The following SLC7A2 variants were observed in gnomAD, a reference collection of about 807,000 sequenced individuals.
The protein encoded by SLC7A2 is solute carrier family 7 member 2, also known as cationic amino acid transporter 2.
A neutral mutation model predicts 58.9 loss-of-function variants in SLC7A2; 48 were observed. The observed-to-expected ratio is 0.82, with a 90% CI of 0.65 to 1.04. The LOEUF (loss-of-function observed/expected upper bound fraction) is 1.04. SLC7A2 is among the 50% of genes least tolerant of loss of function. The pLI is 0.00. For synonymous variants in SLC7A2, 363 were observed against 314.5 expected, an observed-to-expected ratio of 1.15 and a Z score of -1.63; for missense variants, 1,029 against 818.8, an observed-to-expected ratio of 1.26 and a Z score of -3.13.
At chr8:17,549,141 A>G (rs892149011) in intron 5 of SLC7A2, among the ~76,000 whole-genome samples, 1 of 152,158 alleles carries the variant, frequency 6.6e-6, no homozygotes, top group African/African-American at 2.4e-5. Flanking sequence ...CAAGAACAGC[A>G]CAGGAAAGAC....
chr8:17,495,047 A>T (rs1799922737), upstream of SLC7A2, among the ~76,000 whole-genome samples: 2 of 152,236 alleles, frequency 1.3e-5, no homozygotes, highest in Non-Finnish European at 2.9e-5. Context: ...TTAATCACAA[A>T]TTAAACAGAT....
At chr8:17,538,678 TG>T in intron 2 of SLC7A2, 1 of 784,194 alleles carries the variant, frequency 1.3e-6, no homozygotes, top group Non-Finnish European at 1.9e-6. Flanking sequence ...GTAGAAACGT[TG>T]GGTTTGGACA....
chr8:17,514,226 G>T (rs1019590798), intron 2 of SLC7A2, among the ~76,000 whole-genome samples: 1 of 151,956 alleles, frequency 6.6e-6, no homozygotes, highest in Non-Finnish European at 1.5e-5. Flanking sequence ...ATAGAAAGGG[G>T]TGGTGGCAAA....
At chr8:17,547,230 G>A (rs959412525) in intron 4 of SLC7A2, among the ~76,000 whole-genome samples, 3 of 146,516 alleles carry the variant, frequency 2.0e-5, no homozygotes, top group Non-Finnish European at 3.1e-5. Context: ...GAAGGTGACC[G>A]AGTAGGGAAA....
rs1341200657 is a variant in SLC7A2, at chr8:17,570,473, T to G, written c.*5327T>G. ...TTACTTATAAAGTTGGATTCTTTTT[T>G]AGAATTTGTAATAAATAAAAACTGC... is the stretch of plus-strand genomic sequence containing the variant. On this transcript the variant is annotated 3_prime_UTR_variant, in exon 13 of 13. Transcript: ENST00000494857. The G allele has an allele frequency of 6.6e-6, 1 of 152,622 alleles. No homozygotes were observed. The highest frequency in any genetic ancestry group is 2.4e-5 in the African/African-American group (1 of 41,452). 9.5% of individuals were successfully genotyped at this position (152,622 alleles called of 1,614,324 possible). A position where few individuals can be genotyped will look rare whatever the true frequency, so the allele number is the denominator to read the frequency against.
At chr8:17,543,819 T>TAC in intron 3 of SLC7A2, 104 bp downstream of exon 3, 1 of 997,042 alleles carries the variant, frequency 1.0e-6, no homozygotes, top group Non-Finnish European at 1.4e-6. Context: ...TCACTTGATG[T>TAC]CTGTGTGTCT....
rs1349373560 is a variant in SLC7A2 at position 17,565,644 on chromosome 8, T to C, written c.*498T>C. ...AGTTTAGGGGATGCCAAAAATGCAGTTACTCATCATGGTGTCTGTCACTGG... is the reference window on the plus strand; with the variant it reads ...AGTTTAGGGGATGCCAAAAATGCAGCTACTCATCATGGTGTCTGTCACTGG... On this transcript the variant is annotated 3_prime_UTR_variant, in exon 13 of 13. Coordinates refer to ENST00000494857, the MANE Select transcript of SLC7A2 (RefSeq NM_001370338.1). The C allele has an allele frequency of 6.5e-6, 1 of 152,820 alleles. No individual in the cohort carries two copies. Among genetic ancestry groups the C allele is most frequent in the African/African-American group, 2.4e-5 (1 of 41,466 alleles). 9.5% of individuals were successfully genotyped at this position (152,820 alleles called of 1,614,324 possible).
chr8:17,494,937 G>A (rs952640732), upstream of SLC7A2, among the ~76,000 whole-genome samples: 1 of 152,172 alleles, frequency 6.6e-6, no homozygotes. Context: ...GAAGTGCGCC[G>A]GCGGGCAGAT....
intron 8 of SLC7A2, chr8:17,555,027 A>C (rs764708422): frequency 1.2e-6 from 2 of 1,613,848 alleles, no homozygotes; most frequent in East Asian, 4.5e-5. Flanking sequence ...TTCTTGCCAG[A>C]GTGAGTAAGA....
intron 12 of SLC7A2, among the ~76,000 whole-genome samples, chr8:17,564,064 A>T (rs1803151764): frequency 6.6e-6 from 1 of 152,184 alleles, no homozygotes; most frequent in Non-Finnish European, 1.5e-5. Flanking sequence ...GGTACTTAAA[A>T]CGTTGCCTCC....
chr8:17,528,746 G>T (rs112152770), intron 2 of SLC7A2, among the ~76,000 whole-genome samples: 10 of 152,164 alleles, frequency 6.6e-5, no homozygotes, highest in African/African-American at 2.2e-4. Context: ...TGAGGGGAGA[G>T]AAATCTTGGG....
intron 5 of SLC7A2, 85 bp downstream of exon 5, chr8:17,548,928 A>G (rs183257775): frequency 1.8e-6 from 2 of 1,107,200 alleles, no homozygotes; most frequent in Admixed American, 4.3e-5. Context: ...TTACTCTGCT[A>G]ATAAAGACAT....
intron 2 of SLC7A2, among the ~76,000 whole-genome samples, chr8:17,517,718 TAA>T (rs2150681233): frequency 6.6e-6 from 1 of 152,274 alleles, no homozygotes; most frequent in East Asian, 1.9e-4. Flanking sequence ...TTTGAAAAGT[TAA>T]AATCTATTGG....
rs1034753973 is a variant in SLC7A2, at chr8:17,548,664, C to A, written c.533-14C>A. On this transcript the variant is annotated splice_polypyrimidine_tract_variant and intron_variant, in intron 4 of 12. Coordinates refer to ENST00000494857, the MANE Select transcript of SLC7A2 (RefSeq NM_001370338.1). ...CTAAAGCTAAATAAAAATTGAAATG[C>A]CCTTTTTCCATAGGTCTTTTGTCTT... 3.2e-6 allele frequency: 5 copies of A among 1,582,442 alleles called. No homozygotes were observed. The African/African-American group carries it at 6.8e-5, about 22-fold the overall frequency.
intron 2 of SLC7A2, among the ~76,000 whole-genome samples, chr8:17,517,810 G>A (rs1010981392): frequency 6.6e-6 from 1 of 151,966 alleles, no homozygotes; most frequent in Non-Finnish European, 1.5e-5. Context: ...TCTTTCATCA[G>A]CGGAGTGTTA....
At chr8:17,507,716 ACT>A (rs1198655881) in intron 2 of SLC7A2, among the ~76,000 whole-genome samples, 2 of 152,148 alleles carry the variant, frequency 1.3e-5, no homozygotes, top group South Asian at 2.1e-4. Context: ...AATTTTAAAA[ACT>A]CTGTTAATTT....
chr8:17,512,319 G>C (rs67218051), intron 2 of SLC7A2, among the ~76,000 whole-genome samples: 1 of 151,850 alleles, frequency 6.6e-6, no homozygotes, highest in Admixed American at 6.6e-5. Flanking sequence ...GGCCAAGGAG[G>C]GTGGATCACC....
intron 2 of SLC7A2, among the ~76,000 whole-genome samples, chr8:17,542,952 A>T (rs1801978179): frequency 6.6e-6 from 1 of 152,168 alleles, no homozygotes; most frequent in African/African-American, 2.4e-5. Context: ...ACAGAGTGAG[A>T]TCCTGTTTCC....
intron 2 of SLC7A2, 127 bp downstream of exon 2, chr8:17,502,429 G>A (rs1001783544): frequency 1.3e-5 from 2 of 152,150 alleles, no homozygotes; most frequent in Admixed American, 1.3e-4. Context: ...TCTGTTAGAA[G>A]GGAACACATT....
Sources: allele counts gnomAD v4.1 joint callset (sites outside exome capture counted in the v4.1 genomes callset), GRCh38; gene constraint gnomAD v4.1.1; transcripts MANE v1.5; gene names NCBI Gene and HGNC (gene_info 2026-07-23, HGNC 2026-07-21).